Variants in CEP57 observed in about 807,000 individuals in gnomAD.
CEP57 encodes centrosomal protein of 57 kDa.
In CEP57, 40 loss-of-function variants were observed where a neutral mutation model predicts 68.0. The observed-to-expected ratio is 0.59, with a 90% confidence interval of 0.46 to 0.77. The LOEUF is 0.77. Among genes scored for constraint, CEP57 ranks in the 30% least tolerant of loss-of-function variants. The probability of loss-of-function intolerance (pLI) is 0.00; values close to 1 mark genes in which losing one functional copy is unlikely to be tolerated. For synonymous variants in CEP57, 219 were observed against 198.7 expected (o/e 1.10, Z -0.86); for missense variants, 606 against 580.7 (o/e 1.04, Z -0.45).
At chr11:95,816,073 A>G (rs1286114272) in intron 4 of CEP57, among the ~76,000 whole-genome samples, 1 of 152,178 alleles carries the variant, frequency 6.6e-6, no homozygotes, top group African/African-American at 2.4e-5. Context: ...AGAGCACCCA[A>G]GACTAGGTAA....
At chr11:95,821,223 T>C (rs1862506077) in intron 6 of CEP57, among the ~76,000 whole-genome samples, 2 of 152,198 alleles carry the variant, frequency 1.3e-5, no homozygotes, top group African/African-American at 4.8e-5. Context: ...TTTTGTTTTT[T>C]TAAAAAGGAA....
chr11:95,795,565 T>A, intron 1 of CEP57: 1 of 543,898 alleles, frequency 1.8e-6, no homozygotes, highest in East Asian at 3.3e-5. Context: ...TTGATGTAGG[T>A]ATCTTTGTCT....
intron 2 of CEP57, among the ~76,000 whole-genome samples, chr11:95,811,707 G>T (rs908019566): frequency 2.7e-4 from 41 of 152,008 alleles, no homozygotes; most frequent in African/African-American, 8.9e-4. Flanking sequence ...ATAGAAAAAT[G>T]GGCAAAGGAA....
chr11:95,826,560 A>G (rs1862751269), intron 8 of CEP57: 1 of 151,978 alleles, frequency 6.6e-6, no homozygotes, highest in South Asian at 2.1e-4. Context: ...TTACCTATAT[A>G]ACAAACCTGC....
intron 1 of CEP57, among the ~76,000 whole-genome samples, chr11:95,791,395 T>C (rs1421357059): frequency 6.6e-6 from 1 of 152,210 alleles, no homozygotes; most frequent in African/African-American, 2.4e-5. Flanking sequence ...TCCAGTTTAG[T>C]TACTGGTATT....
chr11:95,805,843 T>G (rs919496233), intron 2 of CEP57, among the ~76,000 whole-genome samples: 4 of 149,444 alleles, frequency 2.7e-5, no homozygotes, highest in Non-Finnish European at 6.1e-5. Context: ...TATATATATA[T>G]GTGTGTGTGA....
At chr11:95,816,436 G>C (rs1463236932) in intron 4 of CEP57, among the ~76,000 whole-genome samples, 1 of 152,160 alleles carries the variant, frequency 6.6e-6, no homozygotes, top group Non-Finnish European at 1.5e-5. Flanking sequence ...TATTATGTCT[G>C]CTGTGTTTAT....
chr11:95,813,618 T>G, intron 4 of CEP57, 29 bp downstream of exon 4: 1 of 1,611,014 alleles, frequency 6.2e-7, no homozygotes, highest in Non-Finnish European at 8.5e-7. Context: ...AGATTGATAC[T>G]CAAGAACAGT....
chr11:95,812,391 G>A (rs1862104984), intron 2 of CEP57, among the ~76,000 whole-genome samples: 1 of 151,900 alleles, frequency 6.6e-6, no homozygotes, highest in Non-Finnish European at 1.5e-5. Flanking sequence ...GTTTTTACTT[G>A]AGCACATTTC....
At chr11:95,817,727 C>A in intron 4 of CEP57, 60 bp from the exon 5 acceptor site, 2 of 1,105,318 alleles carry the variant, frequency 1.8e-6, no homozygotes, top group South Asian at 1.2e-5. Context: ...AAACACTGCT[C>A]AGTGTTTTTC....
chr11:95,802,542 C>T (rs1045965242), intron 2 of CEP57, among the ~76,000 whole-genome samples: 5 of 152,092 alleles, frequency 3.3e-5, no homozygotes, highest in Admixed American at 2.0e-4. Context: ...TGTGAGCCAC[C>T]GTGCCTGGCA....
chr11:95,827,692 G>A (rs988737671), intron 8 of CEP57, 94 bp from the exon 9 acceptor site: 2 of 1,388,582 alleles, frequency 1.4e-6, no homozygotes, highest in African/African-American at 1.4e-5. Context: ...CTACTTTAGG[G>A]GGTGGAGAGT....
At chr11:95,821,484 C>T (rs1343875663) in intron 6 of CEP57, among the ~76,000 whole-genome samples, 1 of 152,034 alleles carries the variant, frequency 6.6e-6, no homozygotes, top group East Asian at 1.9e-4. Context: ...GAAATGTATT[C>T]TGCTCTTCGG....
chr11:95,817,283 C>T lies in CEP57; in HGVS notation c.505-504C>T, dbSNP rs563617526. On this transcript the variant is annotated intron_variant, in intron 4 of 10. Transcript: ENST00000325542. ...TGGGGAGGCTGAGGCAGGAGAATGG[C>T]ATGAACCTGGGAGGCGGAGCTTGCG... Among the ~76,000 whole-genome samples the T allele has an allele frequency of 1.3e-5, 2 of 152,164 alleles. 1 individual carries two copies. Among genetic ancestry groups the T allele is most frequent in the African/African-American group, 4.8e-5 (2 of 41,518 alleles).
chr11:95,819,358 G>A (rs930665071), intron 6 of CEP57, among the ~76,000 whole-genome samples: 2 of 152,206 alleles, frequency 1.3e-5, no homozygotes, highest in African/African-American at 4.8e-5. Flanking sequence ...GCCACCACAT[G>A]AGGAAAATGA....
At chr11:95,794,423 A>G (rs544420103) in intron 1 of CEP57, 49 of 420,220 alleles carry the variant, frequency 1.2e-4, no homozygotes, top group South Asian at 8.0e-4. Flanking sequence ...TATACCAACA[A>G]CCCTCTTTAT....
intron 1 of CEP57, among the ~76,000 whole-genome samples, chr11:95,792,516 C>T (rs1861134473): frequency 6.6e-6 from 1 of 152,198 alleles, no homozygotes; most frequent in Non-Finnish European, 1.5e-5. Context: ...AATTGAGCTG[C>T]ACTATGCCAA....
Position 95,827,929 on chromosome 11 carries a change from TAAG to T in CEP57, c.1033_1035del (p.Lys345del), listed in dbSNP as rs1185110440. On this transcript the variant is annotated inframe_deletion, in exon 9 of 11. Coordinates refer to ENST00000325542, the MANE Select transcript of CEP57 (RefSeq NM_014679.5). The stretch of plus-strand genomic sequence containing the variant: ...AAGTATCTTCACGAGGTGGTAAAAG[TAAG>T]AAGTTGTCAGTAACACCTCCCTCCT... The T allele has an allele frequency of 4.3e-6, 7 of 1,614,094 alleles. No homozygotes were observed. The highest frequency in any genetic ancestry group is 5.9e-6 in the Non-Finnish European group (7 of 1,179,986).
At chr11:95,805,402 G>C (rs571941578) in intron 2 of CEP57, among the ~76,000 whole-genome samples, 58 of 152,190 alleles carry the variant, frequency 3.8e-4, no homozygotes, top group African/African-American at 1.3e-3. Context: ...TTTCATGTCT[G>C]CATTTTTTCT....
Sources: gnomAD v4.1 joint callset for allele counts (sites outside exome capture counted in the v4.1 genomes callset) on GRCh38, gnomAD v4.1.1 for gene constraint, MANE v1.5 for transcripts, NCBI Gene and HGNC (gene_info 2026-07-23, HGNC 2026-07-21) for gene names.